Variants in MIPEP observed in about 807,000 individuals in gnomAD.
MIPEP encodes mitochondrial intermediate peptidase.
MIPEP carries 79 observed loss-of-function variants against 90.3 expected under a neutral mutation model. That is an observed-to-expected ratio of 0.87 (90% CI 0.73 to 1.05). MIPEP has a LOEUF of 1.05. Among genes scored for constraint, MIPEP ranks in the 50% least tolerant of loss-of-function variants. The probability of loss-of-function intolerance (pLI) is 0.00; values close to 1 mark genes in which losing one functional copy is unlikely to be tolerated. For missense variants in MIPEP, 940 were observed against 905.6 expected, an observed-to-expected ratio of 1.04 and a Z score of -0.49; for synonymous variants, 334 against 315.8, an observed-to-expected ratio of 1.06 and a Z score of -0.61.
intron 16 of MIPEP, among the ~76,000 whole-genome samples, chr13:23,784,365 C>G (rs1409622586): frequency 1.4e-4 from 21 of 148,862 alleles, no homozygotes; most frequent in South Asian, 2.1e-4. Flanking sequence ...TTTGACAAAC[C>G]TGACAAAAAC....
At chr13:23,737,394 A>T (rs1297499495) in intron 18 of MIPEP, among the ~76,000 whole-genome samples, 1 of 152,066 alleles carries the variant, frequency 6.6e-6, no homozygotes, top group Non-Finnish European at 1.5e-5. Context: ...GGGAGGAAAA[A>T]GTGCCCAAGA....
chr13:23,886,475 G>A lies in MIPEP; in HGVS notation c.221C>T (p.Pro74Leu). ...GLFGVPELSA[P>L]EGFHIAQEKA... ...TTCTTGTGCAATATGAAATCCTTCT[G>A]GGGCACTCAGCTCAGGAACTCCAAA... Residue 74 changes from proline (P) to leucine (L), a missense_variant, in exon 2 of 19, where the codon CCA (proline) becomes CTA (leucine). Transcript: ENST00000382172. The A allele has an allele frequency of 1.9e-6, 3 of 1,599,186 alleles. No homozygotes were observed. Among genetic ancestry groups the A allele is most frequent in the Non-Finnish European group, 2.6e-6 (3 of 1,172,178 alleles).
intron 16 of MIPEP, among the ~76,000 whole-genome samples, chr13:23,766,908 T>C (rs147781769): frequency 5.5e-4 from 83 of 152,290 alleles, no homozygotes; most frequent in African/African-American, 1.7e-3. Context: ...TGTGAATACA[T>C]TGTGTTATCC....
In MIPEP at chr13:23,730,257, A is replaced by G. The variant is rs1952190107; in HGVS notation, c.*91T>C. ...TTTTTCAGAATTACAGAAGCGAACA[A>G]TGAAATCAGAAACAAGCTCTCACAG... On this transcript the variant is annotated 3_prime_UTR_variant, in exon 19 of 19. Transcript: ENST00000382172. 5.0e-6 allele frequency: 4 copies of G among 801,088 alleles called. No individual in the cohort carries two copies. Among genetic ancestry groups the G allele is most frequent in the Non-Finnish European group, 2.1e-6 (1 of 485,498 alleles). 49.6% of individuals were successfully genotyped at this position (801,088 alleles called of 1,614,324 possible).
chr13:23,731,968 A>ATTT lies in MIPEP; in HGVS notation c.2045-1526_2045-1524dup, dbSNP rs57109674. On this transcript the variant is annotated intron_variant, in intron 18 of 18. Coordinates refer to ENST00000382172, the MANE Select transcript of MIPEP (RefSeq NM_005932.4). Reference sequence around the variant, plus strand: ...TATTACACATCCACCAGAATAGCTAATTTTTTTTTTTTTTTTTTTTTTTTT... The same window carrying ATTT: ...TATTACACATCCACCAGAATAGCTAATTTTTTTTTTTTTTTTTTTTTTTTTTTT... Among the ~76,000 whole-genome samples the ATTT allele has an allele frequency of 3.4e-4, 33 of 97,870 alleles. 2 individuals carry two copies. The highest frequency in any genetic ancestry group is 1.3e-3 in the South Asian group (3 of 2,224). 64.2% of individuals were successfully genotyped at this position (97,870 alleles called of 152,430 possible). A position where few individuals can be genotyped will look rare whatever the true frequency, so the allele number is the denominator to read the frequency against.
At chr13:23,831,383 C>CGGGGGGAGGGGGGGGGGGGGGGGGGGGGG (rs1555237541) in intron 14 of MIPEP, among the ~76,000 whole-genome samples, 2 of 40,854 alleles carry the variant, frequency 4.9e-5, no homozygotes, top group Non-Finnish European at 5.9e-5. Context: ...TTCCCCATGG[C>CGGGGGGAGGGGGGGGGGGGGGGGGGGGGG]GGGGGGGGGA....
intron 3 of MIPEP, 27 bp from the exon 4 acceptor site, chr13:23,879,381 T>C (rs1176739113): frequency 3.2e-6 from 4 of 1,237,134 alleles, no homozygotes; most frequent in Non-Finnish European, 4.7e-6. Context: ...TTTAAAAAAT[T>C]AGATGATTTT....
chr13:23,732,688 T>C (rs1455409737), intron 18 of MIPEP, among the ~76,000 whole-genome samples: 2 of 152,218 alleles, frequency 1.3e-5, no homozygotes, highest in Non-Finnish European at 2.9e-5. Context: ...TTTGATTCCA[T>C]TTATATGAAG....
intron 17 of MIPEP, among the ~76,000 whole-genome samples, chr13:23,757,884 G>C (rs1317490697): frequency 6.6e-6 from 1 of 152,174 alleles, no homozygotes; most frequent in Admixed American, 6.5e-5. Flanking sequence ...TATGAAAAAT[G>C]CAATTCCTTT....
In MIPEP at chr13:23,864,127, G is replaced by C; in HGVS notation, c.992+14C>G. 6.8e-7 allele frequency: 1 copy of C among 1,460,320 alleles called. No individual in the cohort carries two copies. Among genetic ancestry groups the C allele is most frequent in the East Asian group, 2.4e-5 (1 of 42,148 alleles). 90.5% of individuals were successfully genotyped at this position (1,460,320 alleles called of 1,614,324 possible). Reference sequence around the variant, plus strand: ...CATATAACCAAAAAACTAAATAGTAGAATAAAAACTAACCTTTCAGAAAGT... The same window carrying C: ...CATATAACCAAAAAACTAAATAGTACAATAAAAACTAACCTTTCAGAAAGT... On this transcript the variant is annotated intron_variant, in intron 8 of 18. Transcript: ENST00000382172.
Position 23,889,115 on chromosome 13 carries a change from C to G in MIPEP, c.189+17G>C. The G allele has an allele frequency of 7.1e-7, 1 of 1,401,788 alleles. No homozygotes were observed. The highest frequency in any genetic ancestry group is 9.3e-7 in the Non-Finnish European group (1 of 1,080,290). The allele number at this position is 1,401,788 out of a possible 1,614,324, so 86.8% of individuals were successfully genotyped here. A position where few individuals can be genotyped will look rare whatever the true frequency, so the allele number is the denominator to read the frequency against. On this transcript the variant is annotated intron_variant, in intron 1 of 18. Coordinates refer to ENST00000382172, the MANE Select transcript of MIPEP (RefSeq NM_005932.4). ...CTTAGCTCGGGGACTGAGGGGAGCT[C>G]CTCCTGCGCCGCTCACCCGGCGCTC...
intron 18 of MIPEP, among the ~76,000 whole-genome samples, chr13:23,744,784 A>G (rs1536300): frequency 1.3e-5 from 2 of 152,084 alleles, no homozygotes; most frequent in African/African-American, 2.4e-5. Flanking sequence ...AGTTTTATTG[A>G]AAGTATTTGA....
chr13:23,766,896 C>T (rs1033184044), intron 16 of MIPEP, among the ~76,000 whole-genome samples: 1 of 152,194 alleles, frequency 6.6e-6, no homozygotes, highest in Non-Finnish European at 1.5e-5. Flanking sequence ...GGATGTCACT[C>T]CTGTGAATAC....
intron 18 of MIPEP, among the ~76,000 whole-genome samples, chr13:23,737,929 T>A (rs1419790741): frequency 6.6e-6 from 1 of 152,202 alleles, no homozygotes; most frequent in Non-Finnish European, 1.5e-5. Context: ...CATCTTTTCT[T>A]TGAGTCTATT....
chr13:23,885,210 A>G lies in MIPEP; in HGVS notation c.363+1123T>C, dbSNP rs114675524. Among the ~76,000 whole-genome samples, 574 of 152,330 alleles carry G rather than the reference A, an allele frequency of 3.8e-3. 7 individuals are homozygous for G. Among genetic ancestry groups the G allele is most frequent in the African/African-American group, 0.013 (547 of 41,578 alleles). On this transcript the variant is annotated intron_variant, in intron 2 of 18. Coordinates refer to ENST00000382172, the MANE Select transcript of MIPEP (RefSeq NM_005932.4). ...TCAGGCACAGAAAGACAAACATCACATGTTCTCACTCACTTGTGGGACCTA... is the reference window on the plus strand; with the variant it reads ...TCAGGCACAGAAAGACAAACATCACGTGTTCTCACTCACTTGTGGGACCTA...
intron 16 of MIPEP, chr13:23,760,671 A>G: frequency 2.1e-6 from 1 of 471,458 alleles, no homozygotes; most frequent in Non-Finnish European, 4.4e-6. Context: ...AAACAGTGGG[A>G]AGTAAATTTC....
chr13:23,760,981 T>C (rs1473930192), intron 16 of MIPEP, among the ~76,000 whole-genome samples: 1 of 152,210 alleles, frequency 6.6e-6, no homozygotes, highest in African/African-American at 2.4e-5. Context: ...CTGCTTTTCA[T>C]GAACTAGTTT....
chr13:23,820,349 T>C (rs981154808), intron 14 of MIPEP, among the ~76,000 whole-genome samples: 1 of 152,204 alleles, frequency 6.6e-6, no homozygotes, highest in African/African-American at 2.4e-5. Flanking sequence ...TATTAAATTA[T>C]ACGTAGTCCT....
rs1160443393 is a variant in MIPEP, at chr13:23,886,478, G to A, written c.218C>T (p.Ala73Val). Reference sequence around the variant, plus strand: ...TTGTGCAATATGAAATCCTTCTGGGGCACTCAGCTCAGGAACTCCAAAAAG... The same window carrying A: ...TTGTGCAATATGAAATCCTTCTGGGACACTCAGCTCAGGAACTCCAAAAAG... ...RGLFGVPELS[A>V]PEGFHIAQEK... Residue 73 changes from alanine (A) to valine (V), a missense_variant, in exon 2 of 19, where the codon GCC becomes GTC. Transcript: ENST00000382172. 1.3e-6 allele frequency: 2 copies of A among 1,598,164 alleles called. No individual in the cohort carries two copies. The highest frequency in any genetic ancestry group is 2.3e-5 in the East Asian group (1 of 43,614).
Sources: gnomAD v4.1 joint callset for allele counts (sites outside exome capture counted in the v4.1 genomes callset) on GRCh38, gnomAD v4.1.1 for gene constraint, MANE v1.5 for transcripts, NCBI Gene and HGNC (gene_info 2026-07-23, HGNC 2026-07-21) for gene names.